SBF2: variants seen among roughly 807,000 people sequenced by gnomAD.
SBF2 encodes myotubularin-related protein 13.
A neutral mutation model predicts 225.2 loss-of-function variants in SBF2; 112 were observed. The ratio of observed to expected loss-of-function variants is 0.50; its 90% CI spans 0.43 to 0.58. The LOEUF (loss-of-function observed/expected upper bound fraction) is 0.58, where lower values mean the gene tolerates loss of function less well. Among genes scored for constraint, SBF2 ranks in the 20% least tolerant of loss-of-function variants. SBF2 has a pLI of 0.00. For missense variants in SBF2, 1,996 were observed against 2,206.2 expected (o/e 0.90, Z 1.91); for synonymous variants, 763 against 773.3 (o/e 0.99, Z 0.22).
At chr11:10,078,396 T>C (rs146419940) in intron 2 of SBF2, among the ~76,000 whole-genome samples, 353 of 152,220 alleles carry the variant, frequency 2.3e-3, no homozygotes, top group African/African-American at 7.5e-3. Context: ...CCATCAATGA[T>C]AGAGTGGATA....
At chr11:10,087,560 TTC>T (rs1565214590) in intron 2 of SBF2, among the ~76,000 whole-genome samples, 2 of 152,224 alleles carry the variant, frequency 1.3e-5, no homozygotes, top group African/African-American at 2.4e-5. Context: ...AACATTGTTT[TTC>T]TGTTATGGTA....
At position 10,292,667 on chromosome 11, in the gene SBF2, A is replaced by G. The variant is rs554230564; in HGVS notation, c.55+1348T>C. Among the ~76,000 whole-genome samples, 6 of 146,310 alleles carry G rather than the reference A, an allele frequency of 4.1e-5. No individual in the cohort carries two copies. In the Admixed American group the frequency reaches 4.1e-4, roughly 10 times the overall value. ...GCACTCCAGCGTGGGCAACAGAGCA[A>G]AACTCCGTCTCAAAAAAAAAAAAAA... is the stretch of plus-strand genomic sequence containing the variant. On this transcript the variant is annotated intron_variant, in intron 1 of 39. Coordinates refer to ENST00000256190, the MANE Select transcript of SBF2 (RefSeq NM_030962.4).
chr11:10,265,687 T>C (rs1961914452), intron 1 of SBF2, among the ~76,000 whole-genome samples: 1 of 152,160 alleles, frequency 6.6e-6, no homozygotes. Flanking sequence ...TAAATAATAA[T>C]AGCTGCCTTC....
chr11:10,275,154 AAC>A (rs1215487419), intron 1 of SBF2, among the ~76,000 whole-genome samples: 2 of 152,228 alleles, frequency 1.3e-5, no homozygotes, highest in Non-Finnish European at 2.9e-5. Flanking sequence ...AGTAAAACAA[AAC>A]ACAGTTTATA....
chr11:10,190,551 A>C lies in SBF2; in HGVS notation c.141+3351T>G, dbSNP rs191788746. Among the ~76,000 whole-genome samples the C allele has an allele frequency of 4.9e-4, 74 of 152,356 alleles. No individual in the cohort carries two copies. In the Middle Eastern group the frequency reaches 0.01, roughly 21 times the overall value. ...GTAAAAATGGAAAAAGAAATTCAGC[A>C]TCCTCTAAATTAAATTTGGAATTTG... is the stretch of plus-strand genomic sequence containing the variant. On this transcript the variant is annotated intron_variant, in intron 2 of 39. Coordinates refer to ENST00000256190, the MANE Select transcript of SBF2 (RefSeq NM_030962.4).
chr11:9,895,954 C>T lies in SBF2; in HGVS notation c.1918G>A (p.Ala640Thr), dbSNP rs1861218227. ...CCAATGAAACTTACCCTATAGAAAG[C>T]ACTGGTCAAAGGGAGTAATGCTGCG... ...IAAALLPLTS[A>T]FYRKLAPGVS... Residue 640 changes from alanine to threonine, a missense_variant, in exon 17 of 40, where the codon GCT becomes ACT. Ala to Thr is a moderately conservative substitution (Grantham distance 58, BLOSUM62 0). Transcript: ENST00000256190. The T allele has an allele frequency of 6.2e-7, 1 of 1,611,488 alleles. No homozygotes were observed. The highest frequency in any genetic ancestry group is 1.1e-5 in the South Asian group (1 of 91,040).
At chr11:9,920,090 G>A (rs555501327) in intron 16 of SBF2, among the ~76,000 whole-genome samples, 137 of 151,832 alleles carry the variant, frequency 9.0e-4, no homozygotes, top group Non-Finnish European at 1.4e-3. Flanking sequence ...CTAGTCCAAA[G>A]AAATAGAAAT....
intron 39 of SBF2, 136 bp downstream of exon 39, chr11:9,781,371 G>T: frequency 2.6e-6 from 3 of 1,160,270 alleles, no homozygotes; most frequent in Non-Finnish European, 2.6e-6. Flanking sequence ...TCAAGCTCTG[G>T]AACAATTCCC....
chr11:10,249,526 T>G (rs987183687), intron 1 of SBF2, among the ~76,000 whole-genome samples: 1 of 152,104 alleles, frequency 6.6e-6, no homozygotes, highest in South Asian at 2.1e-4. Flanking sequence ...TGAGTAAACA[T>G]TGTTGCCTTT....
At chr11:10,252,111 C>T (rs186092347) in intron 1 of SBF2, among the ~76,000 whole-genome samples, 2 of 152,220 alleles carry the variant, frequency 1.3e-5, no homozygotes. Flanking sequence ...CTCCTGTAAA[C>T]AGGATGTTCC....
chr11:10,022,742 A>G (rs775884035), intron 6 of SBF2, among the ~76,000 whole-genome samples: 1 of 152,136 alleles, frequency 6.6e-6, no homozygotes, highest in Non-Finnish European at 1.5e-5. Context: ...GTCTCACTCT[A>G]TTAAAAAGTT....
At position 9,785,201 on chromosome 11, in the gene SBF2, T is replaced by G; in HGVS notation, c.5155A>C (p.Ile1719Leu). The G allele has an allele frequency of 6.2e-7, 1 of 1,614,168 alleles. No homozygotes were observed. Among genetic ancestry groups the G allele is most frequent in the Non-Finnish European group, 8.5e-7 (1 of 1,180,020 alleles). ...SSMGEEQNSS[I>L]SPSNGVERRA... is the part of the protein sequence containing the mutation. ...CGCTCCACTCCATTGGATGGGGAGA[T>G]GCTGGAATTCTGTTCCTCCCCCATG... is the stretch of plus-strand genomic sequence containing the variant. Residue 1719 changes from isoleucine (I) to leucine (L), a missense_variant, in exon 37 of 40, where the codon ATC becomes CTC. By Grantham distance (5) the Ile-to-Leu change is conservative (BLOSUM62 2). Transcript: ENST00000256190.
At chr11:9,781,400 C>T (rs1296282089) in intron 39 of SBF2, 107 bp downstream of exon 39, 2 of 1,445,734 alleles carry the variant, frequency 1.4e-6, no homozygotes, top group African/African-American at 2.8e-5. Context: ...GGGGGTCTGT[C>T]ATCCATCTGT....
At chr11:9,988,940 AT>A (rs547661175) in intron 13 of SBF2, among the ~76,000 whole-genome samples, 29 of 152,308 alleles carry the variant, frequency 1.9e-4, no homozygotes, top group African/African-American at 6.7e-4. Flanking sequence ...TTCGAAAAAG[AT>A]ACTTGCACAT....
chr11:9,958,906 G>T, intron 16 of SBF2: 1 of 679,494 alleles, frequency 1.5e-6, no homozygotes, highest in South Asian at 1.6e-5. Context: ...CACTATGATG[G>T]GCTATAAGAG....
At chr11:10,208,839 T>C (rs1319029955) in intron 1 of SBF2, among the ~76,000 whole-genome samples, 1 of 152,080 alleles carries the variant, frequency 6.6e-6, no homozygotes, top group East Asian at 1.9e-4. Flanking sequence ...AACTGAAAAT[T>C]TAAAACACAA....
intron 1 of SBF2, among the ~76,000 whole-genome samples, chr11:10,267,007 T>C (rs1443855163): frequency 6.6e-6 from 1 of 152,188 alleles, no homozygotes; most frequent in East Asian, 1.9e-4. Context: ...GGCAGGAGAA[T>C]CGCTTGAACC....
intron 1 of SBF2, among the ~76,000 whole-genome samples, chr11:10,281,583 TG>T (rs1429605539): frequency 6.6e-6 from 1 of 152,166 alleles, no homozygotes; most frequent in East Asian, 1.9e-4. Flanking sequence ...AACCCTTCTG[TG>T]GTTCCTTTTC....
intron 2 of SBF2, among the ~76,000 whole-genome samples, chr11:10,171,767 T>C (rs1956197656): frequency 6.6e-6 from 1 of 152,248 alleles, no homozygotes; most frequent in Admixed American, 6.5e-5. Context: ...GTCAAGCCAC[T>C]GGATCCTGGG....
Sources: gnomAD v4.1 joint callset for allele counts (sites outside exome capture counted in the v4.1 genomes callset) on GRCh38, gnomAD v4.1.1 for gene constraint, MANE v1.5 for transcripts, NCBI Gene and HGNC (gene_info 2026-07-23, HGNC 2026-07-21) for gene names.